The following GOLM2 variants were observed in gnomAD, a reference collection of about 807,000 sequenced individuals.
The protein encoded by GOLM2 is golgi membrane protein 2.
A neutral mutation model predicts 55.9 loss-of-function variants in GOLM2; 26 were observed. The observed-to-expected ratio is 0.47, with a 90% CI of 0.34 to 0.65. The LOEUF (loss-of-function observed/expected upper bound fraction) is 0.65, where lower values mean the gene tolerates loss of function less well. Among genes scored for constraint, GOLM2 ranks in the 30% least tolerant of loss-of-function variants. GOLM2 has a pLI of 0.01. For missense variants in GOLM2, 486 were observed against 531.8 expected (o/e 0.91, Z 0.85); for synonymous variants, 165 against 194.6 (o/e 0.85, Z 1.27).
intron 6 of GOLM2, among the ~76,000 whole-genome samples, chr15:44,358,619 T>C (rs2079213583): frequency 6.6e-6 from 1 of 152,168 alleles, no homozygotes; most frequent in African/African-American, 2.4e-5. Context: ...GGGTAGACAG[T>C]ATTTTCAAAA....
intron 1 of GOLM2, among the ~76,000 whole-genome samples, chr15:44,320,440 A>C (rs1222739724): frequency 6.6e-6 from 1 of 152,144 alleles, no homozygotes; most frequent in Non-Finnish European, 1.5e-5. Flanking sequence ...CTAGGACTAC[A>C]GACATGTTCC....
chr15:44,382,785 T>G (rs1448527143), intron 8 of GOLM2, among the ~76,000 whole-genome samples: 1 of 151,922 alleles, frequency 6.6e-6, no homozygotes, highest in Non-Finnish European at 1.5e-5. Context: ...AGCCTAGGCA[T>G]GGTGGTACAC....
At chr15:44,405,138 C>G (rs1227564778) in intron 9 of GOLM2, among the ~76,000 whole-genome samples, 1 of 152,034 alleles carries the variant, frequency 6.6e-6, no homozygotes, top group Non-Finnish European at 1.5e-5. Flanking sequence ...CTTCTTCCTC[C>G]CCTGGTTCTT....
chr15:44,408,265 G>C (rs905302), intron 9 of GOLM2, among the ~76,000 whole-genome samples: 4,577 of 152,098 alleles, frequency 0.03, 243 homozygotes, highest in African/African-American at 0.1. Flanking sequence ...GATTTGGTTA[G>C]GTGATTTCAT....
intron 3 of GOLM2, 41 bp downstream of exon 3, chr15:44,328,828 A>G (rs750316085): frequency 7.6e-7 from 1 of 1,324,206 alleles, no homozygotes; most frequent in Non-Finnish European, 1.0e-6. Context: ...AATCTAAAAT[A>G]TTTGTCCAGC....
At chr15:44,407,351 G>A (rs545866025) in intron 9 of GOLM2, among the ~76,000 whole-genome samples, 6 of 149,808 alleles carry the variant, frequency 4.0e-5, no homozygotes, top group South Asian at 4.2e-4. Context: ...CTGCAGCCTC[G>A]ACCTCCTGGG....
chr15:44,378,666 A>G (rs1369452454), intron 6 of GOLM2, among the ~76,000 whole-genome samples: 1 of 152,160 alleles, frequency 6.6e-6, no homozygotes, highest in Non-Finnish European at 1.5e-5. Flanking sequence ...TTAATACCTT[A>G]CCTAACTTGT....
intron 3 of GOLM2, 53 bp downstream of exon 3, chr15:44,328,840 T>C: frequency 8.4e-7 from 1 of 1,193,898 alleles, no homozygotes; most frequent in Non-Finnish European, 1.2e-6. Flanking sequence ...TTGTCCAGCT[T>C]TTGGACTCAG....
chr15:44,384,960 T>C (rs1003321956), intron 8 of GOLM2, among the ~76,000 whole-genome samples: 1 of 152,150 alleles, frequency 6.6e-6, no homozygotes, highest in African/African-American at 2.4e-5. Context: ...CTGGCTTCTT[T>C]TATTTAGCAT....
chr15:44,350,996 T>C (rs186457645), intron 6 of GOLM2, among the ~76,000 whole-genome samples: 1 of 152,190 alleles, frequency 6.6e-6, no homozygotes, highest in East Asian at 1.9e-4. Context: ...ATAAAAGCCA[T>C]ATGTGGCAGA....
chr15:44,301,487 C>G (rs2078796872), intron 1 of GOLM2, among the ~76,000 whole-genome samples: 1 of 152,118 alleles, frequency 6.6e-6, no homozygotes, highest in Admixed American at 6.6e-5. Flanking sequence ...GCATGCATAT[C>G]ACATAGTGAA....
intron 6 of GOLM2, among the ~76,000 whole-genome samples, chr15:44,351,784 C>T (rs553282001): frequency 1.7e-4 from 26 of 151,558 alleles, no homozygotes; most frequent in Non-Finnish European, 3.4e-4. Flanking sequence ...ATGCCAACAG[C>T]GAATAATCTG....
At chr15:44,380,186 C>G (rs919566747) in intron 7 of GOLM2, among the ~76,000 whole-genome samples, 6 of 151,980 alleles carry the variant, frequency 3.9e-5, no homozygotes, top group African/African-American at 1.4e-4. Flanking sequence ...ACACTCATTC[C>G]ATTTTATAGA....
chr15:44,309,386 C>G (rs1251728933), intron 1 of GOLM2, among the ~76,000 whole-genome samples: 1 of 152,020 alleles, frequency 6.6e-6, no homozygotes, highest in Non-Finnish European at 1.5e-5. Flanking sequence ...TTCTGGAGAT[C>G]AATGTATATA....
At position 44,333,094 on chromosome 15, in the gene GOLM2, G is replaced by A. The variant is rs545939615; in HGVS notation, c.576+1016G>A. ...ACTACAGGCGCCTGCCACCACGCCC[G>A]GCTAATTTTTTGTATTTTTAGTAGA... On this transcript the variant is annotated intron_variant, in intron 4 of 9. Coordinates refer to ENST00000299957, the MANE Select transcript of GOLM2 (RefSeq NM_138423.4). 1.9e-3 allele frequency among the ~76,000 whole-genome samples: 282 copies of A among 151,974 alleles called. 1 individual carries two copies. Among genetic ancestry groups the A allele is most frequent in the East Asian group, 2.9e-3 (15 of 5,170 alleles).
intron 6 of GOLM2, among the ~76,000 whole-genome samples, chr15:44,374,732 C>T (rs1364012372): frequency 6.6e-6 from 1 of 152,142 alleles, no homozygotes; most frequent in Admixed American, 6.5e-5. Context: ...CCTGTGAGAA[C>T]TCTATCACGA....
At chr15:44,408,960 C>A (rs768130878) in intron 9 of GOLM2, among the ~76,000 whole-genome samples, 3 of 151,186 alleles carry the variant, frequency 2.0e-5, no homozygotes, top group Non-Finnish European at 2.9e-5. Flanking sequence ...GAGACTACGT[C>A]TCAAAACAAA....
At chr15:44,314,663 G>T (rs1567023315) in intron 1 of GOLM2, among the ~76,000 whole-genome samples, 1 of 152,274 alleles carries the variant, frequency 6.6e-6, no homozygotes, top group East Asian at 1.9e-4. Context: ...TTGCAGATGT[G>T]ATTGGAATGT....
chr15:44,350,329 A>C (rs914492073), intron 6 of GOLM2, among the ~76,000 whole-genome samples: 1 of 152,208 alleles, frequency 6.6e-6, no homozygotes, highest in African/African-American at 2.4e-5. Flanking sequence ...GGATCACTAG[A>C]GGGTACTATG....
Sources: gnomAD v4.1 joint callset for allele counts (sites outside exome capture counted in the v4.1 genomes callset) on GRCh38, gnomAD v4.1.1 for gene constraint, MANE v1.5 for transcripts, NCBI Gene and HGNC (gene_info 2026-07-23, HGNC 2026-07-21) for gene names.